SMCHD1: variants seen among roughly 807,000 people sequenced by gnomAD.
The protein encoded by SMCHD1 is structural maintenance of chromosomes flexible hinge domain-containing protein 1.
In SMCHD1, 78 loss-of-function variants were observed where a neutral mutation model predicts 254.7. The observed-to-expected ratio is 0.31, with a 90% CI of 0.26 to 0.37. The LOEUF is 0.37. Among genes scored for constraint, SMCHD1 ranks in the 10% least tolerant of loss-of-function variants. The probability of loss-of-function intolerance (pLI) is 1.00; values close to 1 mark genes in which losing one functional copy is unlikely to be tolerated. For missense variants in SMCHD1, 1,840 were observed against 2,408.1 expected (o/e 0.76, Z 4.94); for synonymous variants, 766 against 794.9 (o/e 0.96, Z 0.61).
chr18:2,702,720 T>C (rs1192431037), intron 12 of SMCHD1, among the ~76,000 whole-genome samples: 4 of 152,226 alleles, frequency 2.6e-5, no homozygotes, highest in Non-Finnish European at 5.9e-5. Flanking sequence ...TCATATAACT[T>C]TAAAAAAATC....
chr18:2,784,587 T>G lies in SMCHD1; in HGVS notation c.5685T>G (p.Val1895=). Residue 1895 remains valine (V), a synonymous_variant, in exon 45 of 48, where the codon GTT becomes GTG. Transcript: ENST00000320876. ...GGGGAATGGTATTTGGAGCTCCAGT[T>G]CCAAAACAGTGTCTGATCTTAGGGG... ...KLRGMVFGAP[V]PKQCLILGEQ... is the part of the protein sequence containing the mutation. 1 of 1,606,460 alleles carries G rather than the reference T, an allele frequency of 6.2e-7. No individual in the cohort carries two copies.
chr18:2,744,348 G>A (rs1358269445), intron 29 of SMCHD1, among the ~76,000 whole-genome samples: 4 of 151,454 alleles, frequency 2.6e-5, no homozygotes, highest in Middle Eastern at 3.5e-3. Context: ...AGTCATATCC[G>A]TAAATACTTC....
chr18:2,664,979 A>C (rs1001563788), intron 1 of SMCHD1, among the ~76,000 whole-genome samples: 1 of 152,186 alleles, frequency 6.6e-6, no homozygotes, highest in Admixed American at 6.5e-5. Context: ...GGTTTTTATT[A>C]ATATCATTTT....
chr18:2,772,352 A>G lies in SMCHD1; in HGVS notation c.5155A>G (p.Ser1719Gly), dbSNP rs201221497. Residue 1719 changes from serine to glycine, a missense_variant, in exon 41 of 48, where the codon AGT becomes GGT. Physicochemically the swap from Ser to Gly is moderately conservative, Grantham distance 56 (BLOSUM62 0). Coordinates refer to ENST00000320876, the MANE Select transcript of SMCHD1 (RefSeq NM_015295.3). ...SCTLPNYTKG[S>G]GDVLGKIAHL... ...TACTCTTCCAAACTATACTAAAGGC[A>G]GTGGAGATGTTTTGGGAAAGGTTTG... 73 of 1,575,274 alleles carry G rather than the reference A, an allele frequency of 4.6e-5. No homozygotes were observed. In the African/African-American group the frequency reaches 7.7e-4, roughly 17 times the overall value.
intron 47 of SMCHD1, among the ~76,000 whole-genome samples, chr18:2,799,261 CT>C (rs111665767): frequency 6.6e-6 from 1 of 151,176 alleles, no homozygotes; most frequent in African/African-American, 2.4e-5. Flanking sequence ...ATTTTACATT[CT>C]TTTTTTTTAA....
chr18:2,713,509 C>T (rs1172339306), intron 17 of SMCHD1, among the ~76,000 whole-genome samples: 1 of 147,756 alleles, frequency 6.8e-6, no homozygotes, highest in African/African-American at 2.5e-5. Flanking sequence ...CATGGTGAAA[C>T]CCCGTCTCTA....
At chr18:2,702,254 G>A (rs1175276214) in intron 12 of SMCHD1, 1 of 131,446 alleles carries the variant, frequency 7.6e-6, no homozygotes, top group African/African-American at 2.7e-5. Flanking sequence ...AGGAGTTCAA[G>A]ACCAGCGTGT....
At chr18:2,779,794 C>T (rs2076124765) in intron 44 of SMCHD1, among the ~76,000 whole-genome samples, 1 of 152,116 alleles carries the variant, frequency 6.6e-6, no homozygotes, top group African/African-American at 2.4e-5. Context: ...ATAGCCACTG[C>T]ACTCCAGCCT....
Position 2,656,007 on chromosome 18 carries a change from G to C in SMCHD1, c.-69G>C, listed in dbSNP as rs1003544441. ...CGGGAGCTGGAGCTGAAGGCGCCGC[G>C]CGGAGCGCGCACCTCAGCCCTGAGC... On this transcript the variant is annotated 5_prime_UTR_variant, in exon 1 of 48. Transcript: ENST00000320876. 8 of 1,218,886 alleles carry C rather than the reference G, an allele frequency of 6.6e-6. No individual in the cohort carries two copies. Among genetic ancestry groups the C allele is most frequent in the Non-Finnish European group, 8.2e-6 (8 of 971,534 alleles). The allele number at this position is 1,218,886 out of a possible 1,614,324, so 75.5% of individuals were successfully genotyped here. A position where few individuals can be genotyped will look rare whatever the true frequency, so the allele number is the denominator to read the frequency against.
Position 2,775,735 on chromosome 18 carries a change from T to C in SMCHD1, c.5177T>C (p.Ile1726Thr), listed in dbSNP as rs763496791. The C allele has an allele frequency of 1.6e-5, 26 of 1,609,498 alleles. No individual in the cohort carries two copies. The change falls in exon 42 of 48, where the codon ATT (isoleucine) becomes ACT (threonine). Residue 1726 changes from isoleucine (I) to threonine (T), a missense_variant and splice_region_variant. This residue lies in a region of SMCHD1 where 114 missense variants were observed against 217.6 expected (regional missense o/e 0.52). Transcript: ENST00000320876. ...TTACTTTATGAAAATGGGTTATAGA[T>C]TGCACATCTAGCACAAATTGAAGAT... ...TKGSGDVLGKIAHLAQIEDDR... is the reference protein window; with the variant it reads ...TKGSGDVLGKTAHLAQIEDDR...
chr18:2,754,982 G>A (rs1212349193), intron 34 of SMCHD1, among the ~76,000 whole-genome samples: 1 of 152,060 alleles, frequency 6.6e-6, no homozygotes, highest in African/African-American at 2.4e-5. Flanking sequence ...TGGTTAGAGA[G>A]ATGCAATTGA....
chr18:2,763,546 C>A, intron 36 of SMCHD1, 91 bp from the exon 37 acceptor site: 1 of 1,003,786 alleles, frequency 1.0e-6, no homozygotes. Context: ...ATGTTGGGGG[C>A]TCTCTGTATT....
intron 17 of SMCHD1, among the ~76,000 whole-genome samples, chr18:2,717,336 G>T (rs980800972): frequency 1.3e-5 from 2 of 152,128 alleles, no homozygotes; most frequent in Non-Finnish European, 2.9e-5. Context: ...AGTGTTCAAA[G>T]TATCCAAAGT....
intron 20 of SMCHD1, among the ~76,000 whole-genome samples, chr18:2,722,875 G>A (rs767861057): frequency 4.6e-5 from 7 of 151,994 alleles, no homozygotes; most frequent in Non-Finnish European, 8.8e-5. Context: ...GTTTTGACTG[G>A]ATTTATTGCT....
At position 2,659,763 on chromosome 18, in the gene SMCHD1, GAAAAA is replaced by G. The variant is rs58068466; in HGVS notation, c.186+3517_186+3521del. 1.9e-3 allele frequency among the ~76,000 whole-genome samples: 217 copies of G among 115,482 alleles called. 1 individual carries two copies. The highest frequency in any genetic ancestry group is 5.9e-3 in the African/African-American group (207 of 35,010). 75.8% of individuals were successfully genotyped at this position (115,482 alleles called of 152,430 possible). A position where few individuals can be genotyped will look rare whatever the true frequency, so the allele number is the denominator to read the frequency against. On this transcript the variant is annotated intron_variant, in intron 1 of 47. Coordinates refer to ENST00000320876, the MANE Select transcript of SMCHD1 (RefSeq NM_015295.3). Reference sequence around the variant, plus strand: ...ATTTCTACAATAAACTTGAGATTTTGAAAAAAAAAAAAAAAAAAAGCAGAAAACTA... The same window carrying G: ...ATTTCTACAATAAACTTGAGATTTTGAAAAAAAAAAAAAAGCAGAAAACTA...
At chr18:2,786,270 G>A (rs560447210) in intron 45 of SMCHD1, among the ~76,000 whole-genome samples, 121 of 152,254 alleles carry the variant, frequency 7.9e-4, no homozygotes, top group Admixed American at 3.1e-3. Flanking sequence ...AATTACAGGC[G>A]TGAGGCACCG....
chr18:2,751,767 A>G (rs547248009), intron 33 of SMCHD1, among the ~76,000 whole-genome samples: 12 of 152,262 alleles, frequency 7.9e-5, no homozygotes, highest in African/African-American at 2.4e-4. Flanking sequence ...TAGAGGGTCT[A>G]GAACAGTGCT....
intron 13 of SMCHD1, among the ~76,000 whole-genome samples, chr18:2,705,140 G>A (rs11872853): frequency 0.03 from 4,535 of 152,228 alleles, 233 homozygotes; most frequent in African/African-American, 0.1. Context: ...GCTGCCTATT[G>A]TATGTGTGAA....
chr18:2,766,319 T>C (rs1355915777), intron 37 of SMCHD1, among the ~76,000 whole-genome samples: 1 of 152,202 alleles, frequency 6.6e-6, no homozygotes, highest in Non-Finnish European at 1.5e-5. Flanking sequence ...GGCCCCCTTA[T>C]GGTCATTTGA....
Sources: gnomAD v4.1 joint callset for allele counts (sites outside exome capture counted in the v4.1 genomes callset) on GRCh38, gnomAD v4.1.1 for gene constraint, gnomAD v4.1.1 regional missense constraint, MANE v1.5 for transcripts, NCBI Gene and HGNC (gene_info 2026-07-23, HGNC 2026-07-21) for gene names.